MPRIP: variants seen among roughly 807,000 people sequenced by gnomAD.
The protein encoded by MPRIP is myosin phosphatase Rho-interacting protein.
MPRIP carries 59 observed loss-of-function variants against 234.9 expected under a neutral mutation model. The ratio of observed to expected loss-of-function variants is 0.25; its 90% CI spans 0.20 to 0.31. MPRIP has a LOEUF of 0.31. Among genes scored for constraint, MPRIP ranks in the 10% least tolerant of loss-of-function variants. The pLI is 1.00. For missense variants in MPRIP, 2,436 were observed against 3,071.0 expected, an observed-to-expected ratio of 0.79 and a Z score of 4.89; for synonymous variants, 1,144 against 1,263.9, an observed-to-expected ratio of 0.91 and a Z score of 2.01.
intron 11 of MPRIP, among the ~76,000 whole-genome samples, chr17:17,149,092 T>A (rs563825112): frequency 2.6e-5 from 4 of 152,330 alleles, no homozygotes; most frequent in East Asian, 3.9e-4. Context: ...TGTAACACAG[T>A]ACAGAGAGTT....
intron 13 of MPRIP, among the ~76,000 whole-genome samples, chr17:17,155,490 C>T (rs1333090775): frequency 2.6e-5 from 4 of 152,178 alleles, no homozygotes; most frequent in Non-Finnish European, 4.4e-5. Flanking sequence ...GTGATCCACT[C>T]GCCTTGGCCT....
intron 1 of MPRIP, among the ~76,000 whole-genome samples, chr17:17,069,104 G>C (rs1256637704): frequency 2.0e-5 from 3 of 152,108 alleles, no homozygotes; most frequent in Admixed American, 6.5e-5. Flanking sequence ...TAATTTTGCA[G>C]CTCTGATGTT....
At chr17:17,119,633 C>T (rs2090350602) in intron 3 of MPRIP, among the ~76,000 whole-genome samples, 1 of 152,148 alleles carries the variant, frequency 6.6e-6, no homozygotes, top group Non-Finnish European at 1.5e-5. Context: ...CCACAGTGAG[C>T]ACCCAGGAAG....
At chr17:17,105,000 G>T (rs2144243318) in intron 3 of MPRIP, among the ~76,000 whole-genome samples, 2 of 152,314 alleles carry the variant, frequency 1.3e-5, no homozygotes, top group East Asian at 3.9e-4. Context: ...CTTTGGTAGA[G>T]TGGTCCCAGG....
At chr17:17,161,728 A>G (rs2045875262) in intron 15 of MPRIP, among the ~76,000 whole-genome samples, 1 of 152,204 alleles carries the variant, frequency 6.6e-6, no homozygotes, top group Non-Finnish European at 1.5e-5. Flanking sequence ...TATTGGACCT[A>G]TTGTACAGAT....
chr17:17,082,942 C>T (rs961222143), intron 3 of MPRIP, among the ~76,000 whole-genome samples: 2 of 152,216 alleles, frequency 1.3e-5, no homozygotes, highest in Admixed American at 6.5e-5. Context: ...AATTTCCTCC[C>T]TCCTGATTGT....
intron 1 of MPRIP, among the ~76,000 whole-genome samples, chr17:17,048,355 T>G (rs1315639587): frequency 6.6e-6 from 1 of 152,180 alleles, no homozygotes; most frequent in African/African-American, 2.4e-5. Context: ...GGACGAGGTC[T>G]CAGGGAAGCA....
chr17:17,171,433 T>A (rs1275893656), intron 16 of MPRIP: 5 of 345,208 alleles, frequency 1.4e-5, no homozygotes, highest in Non-Finnish European at 2.1e-5. Flanking sequence ...TGTCCCCACC[T>A]ACCATACCAA....
chr17:17,145,885 C>G (rs1255260887), intron 9 of MPRIP, 151 bp from the exon 10 acceptor site: 1 of 730,456 alleles, frequency 1.4e-6, no homozygotes, highest in Non-Finnish European at 2.3e-6. Context: ...GCAGCACCCA[C>G]CAGGGTGAGG....
At chr17:17,093,545 C>T (rs2089769390) in intron 3 of MPRIP, among the ~76,000 whole-genome samples, 1 of 152,078 alleles carries the variant, frequency 6.6e-6, no homozygotes, top group Non-Finnish European at 1.5e-5. Flanking sequence ...CAATAGTTAC[C>T]CTTGGATCTT....
In MPRIP at chr17:17,078,583, G is replaced by T. The variant is rs966617771; in HGVS notation, c.267+507G>T. Among the ~76,000 whole-genome samples the T allele has an allele frequency of 2.0e-5, 3 of 152,188 alleles. No individual in the cohort carries two copies. The highest frequency in any genetic ancestry group is 4.4e-5 in the Non-Finnish European group (3 of 68,036). On this transcript the variant is annotated intron_variant, in intron 3 of 23. Coordinates refer to ENST00000651222, the MANE Select transcript of MPRIP (RefSeq NM_001364716.4). The surrounding 1 kb of genome is among the most constrained non-coding windows in gnomAD (Gnocchi z 4.3). ...GAGGCCTCCTGGTCACAAGGTCATC[G>T]TTCTTCTGGTCACTAAACCAGGCAG...
chr17:17,116,000 A>C (rs897371912), intron 3 of MPRIP, among the ~76,000 whole-genome samples: 2 of 152,236 alleles, frequency 1.3e-5, no homozygotes, highest in Non-Finnish European at 2.9e-5. Context: ...TTTTGGTTAA[A>C]ATGATGGTTT....
At chr17:17,170,186 A>G (rs546513893) in intron 16 of MPRIP, 2 of 132,700 alleles carry the variant, frequency 1.5e-5, no homozygotes, top group African/African-American at 5.8e-5. Flanking sequence ...TATTCCATAT[A>G]TATATATATT....
chr17:17,180,058 C>T lies in MPRIP; in HGVS notation c.7176C>T (p.Val2392=). The T allele has an allele frequency of 6.3e-7, 1 of 1,593,140 alleles. No individual in the cohort carries two copies. Among genetic ancestry groups the T allele is most frequent in the African/African-American group, 1.4e-5 (1 of 73,384 alleles). The change falls in exon 23 of 24, where the codon GTC becomes GTT. Residue 2392 remains valine (V), a synonymous_variant. Coordinates refer to ENST00000651222, the MANE Select transcript of MPRIP (RefSeq NM_001364716.4). ...PDFLKKDRSC[V]TRQLRNIRSK... ...TCTTGAAGAAAGACAGATCCTGTGT[C>T]ACCCGGCAACTCAGAAACATCAGGT...
At chr17:17,177,216 T>A in intron 21 of MPRIP, 34 bp from the exon 22 acceptor site, 1 of 1,599,028 alleles carries the variant, frequency 6.3e-7, no homozygotes, top group Non-Finnish European at 8.6e-7. Flanking sequence ...CTTTCCTGGA[T>A]GTAACTACCA....
chr17:17,102,107 C>T (rs1042366247), intron 3 of MPRIP, among the ~76,000 whole-genome samples: 1 of 151,932 alleles, frequency 6.6e-6, no homozygotes, highest in Non-Finnish European at 1.5e-5. Flanking sequence ...AGGCTGGTCC[C>T]AAACTCCTGG....
chr17:17,119,203 CCT>C (rs1195024233), intron 3 of MPRIP, among the ~76,000 whole-genome samples: 18 of 152,230 alleles, frequency 1.2e-4, no homozygotes, highest in Non-Finnish European at 2.1e-4. Context: ...TCTCCTTAGA[CCT>C]GGCTCGAGCA....
At chr17:17,139,203 A>T (rs1276837643) in intron 7 of MPRIP, among the ~76,000 whole-genome samples, 1 of 152,180 alleles carries the variant, frequency 6.6e-6, no homozygotes, top group Non-Finnish European at 1.5e-5. Flanking sequence ...AAAGAGTTGG[A>T]TGTCCTCTGA....
At chr17:17,046,499 G>T (rs1174687704) in intron 1 of MPRIP, among the ~76,000 whole-genome samples, 1 of 152,100 alleles carries the variant, frequency 6.6e-6, no homozygotes, top group African/African-American at 2.4e-5. Context: ...TCCAAAAAAG[G>T]CTGTGTGATA....
Sources: gnomAD v4.1 joint callset for allele counts (sites outside exome capture counted in the v4.1 genomes callset) on GRCh38, gnomAD v4.1.1 for gene constraint, Gnocchi (gnomAD v3.1) non-coding constraint, MANE v1.5 for transcripts, NCBI Gene and HGNC (gene_info 2026-07-23, HGNC 2026-07-21) for gene names.